The following PCNX4 variants were observed in gnomAD, a reference collection of about 807,000 sequenced individuals.
PCNX4 encodes the protein pecanex 4.
PCNX4 carries 103 observed loss-of-function variants against 107.2 expected under a neutral mutation model. The ratio of observed to expected loss-of-function variants is 0.96; its 90% CI spans 0.82 to 1.13. The LOEUF is 1.13. Ranked by LOEUF, PCNX4 falls within the 50% of genes most tolerant of loss-of-function variation. The pLI is 0.00. For missense variants in PCNX4, 1,528 were observed against 1,379.4 expected, an observed-to-expected ratio of 1.11 and a Z score of -1.71; for synonymous variants, 541 against 481.7, an observed-to-expected ratio of 1.12 and a Z score of -1.61.
intron 2 of PCNX4, chr14:60,110,348 C>T (rs1025604796): frequency 1.8e-5 from 3 of 167,108 alleles, no homozygotes; most frequent in African/African-American, 7.2e-5. Context: ...TTCAACAAGT[C>T]AGCTAGCCTC....
chr14:60,112,965 C>A (rs1895767303), intron 2 of PCNX4, among the ~76,000 whole-genome samples: 1 of 152,176 alleles, frequency 6.6e-6, no homozygotes, highest in East Asian at 1.9e-4. Flanking sequence ...AGGCGGATAA[C>A]GAGGTCAAGA....
In PCNX4 at chr14:60,124,872, G is replaced by A; in HGVS notation, c.2701G>A (p.Glu901Lys). 1.2e-6 allele frequency: 2 copies of A among 1,613,812 alleles called. No homozygotes were observed. The highest frequency in any genetic ancestry group is 1.7e-6 in the Non-Finnish European group (2 of 1,179,784). ...QEDMPYIPLM[E>K]FSCSHSHLVC... ...GGACATGCCATATATTCCTCTCATG[G>A]AGTTCAGTTGTTCACATTCTCACTT... The change falls in exon 9 of 11, where the codon GAG becomes AAG. Residue 901 changes from glutamate (E) to lysine (K), a missense_variant. Physicochemically the swap from Glu to Lys is moderately conservative, Grantham distance 56. Coordinates refer to ENST00000406854, the MANE Select transcript of PCNX4 (RefSeq NM_001330177.2).
At position 60,091,967 on chromosome 14, in the gene PCNX4, T is replaced by TC. The variant is rs1477377016; in HGVS notation, c.-502dup. On this transcript the variant is annotated 5_prime_UTR_variant, in exon 1 of 11. Coordinates refer to ENST00000406854, the MANE Select transcript of PCNX4 (RefSeq NM_001330177.2). ...GGGAACGTTCAGGGCGTCTCGGCTTTCCCCGCTGCTGCTTCTGCTAGGCCC... is the reference window on the plus strand; with the variant it reads ...GGGAACGTTCAGGGCGTCTCGGCTTTCCCCCGCTGCTGCTTCTGCTAGGCCC... 1 of 152,396 alleles carries TC rather than the reference T, an allele frequency of 6.6e-6. No individual in the cohort carries two copies. The highest frequency in any genetic ancestry group is 2.4e-5 in the African/African-American group (1 of 41,474). 9.4% of individuals were successfully genotyped at this position (152,396 alleles called of 1,614,324 possible). A position where few individuals can be genotyped will look rare whatever the true frequency, so the allele number is the denominator to read the frequency against.
chr14:60,092,897 T>G (rs570693818), intron 1 of PCNX4, among the ~76,000 whole-genome samples: 1 of 152,346 alleles, frequency 6.6e-6, no homozygotes, highest in South Asian at 2.1e-4. Context: ...TTGTTTTCCA[T>G]GCCGCTGAAT....
At chr14:60,099,487 T>C (rs1356490825) in intron 1 of PCNX4, among the ~76,000 whole-genome samples, 1 of 152,168 alleles carries the variant, frequency 6.6e-6, no homozygotes, top group African/African-American at 2.4e-5. Context: ...TAATGAAAAT[T>C]GAAAGAATTC....
Position 60,115,732 on chromosome 14 carries a change from C to G in PCNX4, c.1371C>G (p.Ala457=). 6.2e-7 allele frequency: 1 copy of G among 1,612,406 alleles called. No homozygotes were observed. The highest frequency in any genetic ancestry group is 1.1e-5 in the South Asian group (1 of 90,980). Residue 457 remains alanine (A), a synonymous_variant, in exon 5 of 11, where the codon GCC becomes GCG. Transcript: ENST00000406854. ...RILLTLVSPF[A]MIAFLSLDSS... ...GTTTTGTTTTAGTATCACCTTTTGC[C>G]ATGATAGCATTTCTTTCATTGGACA... is the stretch of plus-strand genomic sequence containing the variant.
chr14:60,127,248 A>G (rs1896071716), intron 10 of PCNX4, among the ~76,000 whole-genome samples: 2 of 152,202 alleles, frequency 1.3e-5, no homozygotes, highest in South Asian at 4.1e-4. Flanking sequence ...AACTGGCTAG[A>G]TTTTTTTCAG....
At position 60,124,924 on chromosome 14, in the gene PCNX4, C is replaced by A. The variant is rs186413929; in HGVS notation, c.2753C>A (p.Thr918Asn). The A allele has an allele frequency of 5.3e-5, 85 of 1,613,798 alleles. No individual in the cohort carries two copies. Among genetic ancestry groups the A allele is most frequent in the Middle Eastern group, 1.6e-4 (1 of 6,062 alleles). ...GTATGCTTACCCGCAGAGTGGAGGA[C>A]TAGCTGTATGCCCAGTTCCAAAATG... ...HLVCLPAEWR[T>N]SCMPSSKMKE... The change falls in exon 9 of 11, where the codon ACT (threonine) becomes AAT (asparagine). Residue 918 changes from threonine to asparagine, a missense_variant. Physicochemically the swap from Thr to Asn is moderately conservative, Grantham distance 65 (BLOSUM62 0). Transcript: ENST00000406854.
rs1330579521 is a variant in PCNX4, at chr14:60,137,745, AG to A, written c.*3525del. 6.6e-6 allele frequency: 1 copy of A among 152,186 alleles called. No individual in the cohort carries two copies. The highest frequency in any genetic ancestry group is 6.5e-5 in the Admixed American group (1 of 15,272). 9.4% of individuals were successfully genotyped at this position (152,186 alleles called of 1,614,324 possible). A position where few individuals can be genotyped will look rare whatever the true frequency, so the allele number is the denominator to read the frequency against. ...AGCAGAAAATCAGAAACTATATAGA[AG>A]AATCAATCAACAAGTCCCCAACTTA... On this transcript the variant is annotated 3_prime_UTR_variant, in exon 11 of 11. Transcript: ENST00000406854.
At chr14:60,121,803 TTG>T (rs1895960977) in intron 8 of PCNX4, among the ~76,000 whole-genome samples, 1 of 152,174 alleles carries the variant, frequency 6.6e-6, no homozygotes. Context: ...CAGCCTGCTC[TTG>T]TCAAGGTCTC....
intron 1 of PCNX4, among the ~76,000 whole-genome samples, chr14:60,096,292 C>G: frequency 6.6e-6 from 1 of 152,202 alleles, no homozygotes; most frequent in East Asian, 1.9e-4. Context: ...TGCAGCACAG[C>G]TTTCCTCATA....
In PCNX4 at chr14:60,134,439, T is replaced by G; in HGVS notation, c.*218T>G. On this transcript the variant is annotated 3_prime_UTR_variant, in exon 11 of 11. Coordinates refer to ENST00000406854, the MANE Select transcript of PCNX4 (RefSeq NM_001330177.2). Reference sequence around the variant, plus strand: ...TAAGATAAAAGAACTATTTGGCCAATATTTGTGCCCTCTGGACTTTAGTAG... The same window carrying G: ...TAAGATAAAAGAACTATTTGGCCAAGATTTGTGCCCTCTGGACTTTAGTAG... 7.4e-5 allele frequency: 37 copies of G among 500,332 alleles called. No homozygotes were observed. Among genetic ancestry groups the G allele is most frequent in the Non-Finnish European group, 9.3e-5 (27 of 289,254 alleles). The allele number at this position is 500,332 out of a possible 1,614,324, so 31.0% of individuals were successfully genotyped here.
intron 1 of PCNX4, among the ~76,000 whole-genome samples, chr14:60,102,227 A>G (rs1408411539): frequency 6.6e-6 from 1 of 152,204 alleles, no homozygotes; most frequent in African/African-American, 2.4e-5. Flanking sequence ...TAGTGTTCCT[A>G]CCACAATGAA....
chr14:60,143,752 A>G lies in PCNX4; in HGVS notation c.*9531A>G, dbSNP rs1013297340. 5 of 152,304 alleles carry G rather than the reference A, an allele frequency of 3.3e-5. No individual in the cohort carries two copies. Among genetic ancestry groups the G allele is most frequent in the African/African-American group, 9.6e-5 (4 of 41,556 alleles). The allele number at this position is 152,304 out of a possible 1,614,324, so 9.4% of individuals were successfully genotyped here. A position where few individuals can be genotyped will look rare whatever the true frequency, so the allele number is the denominator to read the frequency against. ...TTGGGTGGCTTCCAACTTGCCCAAC[A>G]ACTATTCTACAGTTATTTTATGTAT... is the stretch of plus-strand genomic sequence containing the variant. On this transcript the variant is annotated 3_prime_UTR_variant, in exon 11 of 11. Coordinates refer to ENST00000406854, the MANE Select transcript of PCNX4 (RefSeq NM_001330177.2).
Position 60,124,351 on chromosome 14 carries a change from C to G in PCNX4, c.2180C>G (p.Pro727Arg), listed in dbSNP as rs1431617620. ...LNEHFGNVLT[P>R]CTVLPVKLYS... ...GAACACTTTGGAAATGTCTTGACAC[C>G]CTGTACTGTTTTGCCTGTGAAATTG... is the stretch of plus-strand genomic sequence containing the variant. Residue 727 changes from proline (P) to arginine (R), a missense_variant, in exon 9 of 11, where the codon CCC (proline) becomes CGC (arginine). By Grantham distance (103) the Pro-to-Arg change is moderately radical (BLOSUM62 -2). Coordinates refer to ENST00000406854, the MANE Select transcript of PCNX4 (RefSeq NM_001330177.2). 1.2e-6 allele frequency: 2 copies of G among 1,613,078 alleles called. No individual in the cohort carries two copies. Among genetic ancestry groups the G allele is most frequent in the Non-Finnish European group, 1.7e-6 (2 of 1,179,482 alleles).
intron 7 of PCNX4, among the ~76,000 whole-genome samples, chr14:60,119,537 A>T (rs1187741818): frequency 6.6e-6 from 1 of 152,238 alleles, no homozygotes; most frequent in Admixed American, 6.5e-5. Flanking sequence ...GAGATGATTT[A>T]TGAGAAAAAA....
rs12586974 is a variant in PCNX4, at chr14:60,147,401, A to C, written c.*13180A>C. ...ATTTTAAGTGTTCTCACCACACACA[A>C]AAAAAGGTAACTGGGTGACATGTAT... On this transcript the variant is annotated 3_prime_UTR_variant, in exon 11 of 11. Transcript: ENST00000406854. The C allele has an allele frequency of 0.049, 7,495 of 152,246 alleles. 376 individuals carry two copies. Among genetic ancestry groups the C allele is most frequent in the South Asian group, 0.29 (1,402 of 4,816 alleles). The allele number at this position is 152,246 out of a possible 1,614,324, so 9.4% of individuals were successfully genotyped here.
In PCNX4 at chr14:60,111,505, CAT is replaced by C. The variant is rs529600300; in HGVS notation, c.689+3179_689+3180del. On this transcript the variant is annotated intron_variant, in intron 2 of 10. Transcript: ENST00000406854. ...AATTGAGTTTAAATGTGTGTATACACATGATTGCCTTTAAAATATTTAAATTT... is the reference window on the plus strand; with the variant it reads ...AATTGAGTTTAAATGTGTGTATACACGATTGCCTTTAAAATATTTAAATTT... Among the ~76,000 whole-genome samples the C allele has an allele frequency of 1.9e-4, 29 of 152,234 alleles. No individual in the cohort carries two copies. In the East Asian group the frequency reaches 3.7e-3, roughly 19 times the overall value.
chr14:60,097,520 A>T (rs1439943093), intron 1 of PCNX4, among the ~76,000 whole-genome samples: 1 of 152,238 alleles, frequency 6.6e-6, no homozygotes, highest in Non-Finnish European at 1.5e-5. Flanking sequence ...TCCTCATAGC[A>T]GGAATAACTG....
Sources: allele counts gnomAD v4.1 joint callset (sites outside exome capture counted in the v4.1 genomes callset), GRCh38; gene constraint gnomAD v4.1.1; transcripts MANE v1.5; gene names NCBI Gene and HGNC (gene_info 2026-07-23, HGNC 2026-07-21).